Variants in SPATS2 observed in about 807,000 individuals in gnomAD.
SPATS2 encodes the protein spermatogenesis associated serine rich 2.
Under a neutral mutation model 63.7 loss-of-function variants are expected in SPATS2, and 38 were observed. The observed-to-expected ratio is 0.60, with a 90% confidence interval of 0.46 to 0.78. The LOEUF is 0.78. Among genes scored for constraint, SPATS2 ranks in the 30% least tolerant of loss-of-function variants. The pLI is 0.00. For missense variants in SPATS2, 588 were observed against 666.2 expected (o/e 0.88, Z 1.29); for synonymous variants, 207 against 232.9 (o/e 0.89, Z 1.01).
In SPATS2 at chr12:49,478,252, T is replaced by C. The variant is rs972182448; in HGVS notation, c.26-6338T>C. Among the ~76,000 whole-genome samples, 3 of 152,342 alleles carry C rather than the reference T, an allele frequency of 2.0e-5. No individual in the cohort carries two copies. The East Asian group carries it at 5.8e-4, about 29-fold the overall frequency. On this transcript the variant is annotated intron_variant, in intron 3 of 13. Transcript: ENST00000552918. ...TCTTGGCCTCCCAAAGTGCTGGGAT[T>C]ACAGGTGTGAGCCACTGCAGCCAGC...
chr12:49,397,799 C>T lies in SPATS2; in HGVS notation c.-244+26509C>T, dbSNP rs943283398. On this transcript the variant is annotated intron_variant, in intron 2 of 13. Transcript: ENST00000552918. ...GAGCTATGATGGTGTCATTGCATTC[C>T]AGCCTGGGTGACAGAGTGAGACTCT... Among the ~76,000 whole-genome samples, 23 of 145,250 alleles carry T rather than the reference C, an allele frequency of 1.6e-4. 1 individual carries two copies. The highest frequency in any genetic ancestry group is 9.2e-4 in the Admixed American group (13 of 14,130).
In SPATS2 at chr12:49,526,562, T is replaced by C; in HGVS notation, c.*307T>C. ...GTTGATCCCTCCACTGTCCAGGCTG[T>C]CTCAGGAGGAGGTGAATCAGAGCTA... is the stretch of plus-strand genomic sequence containing the variant. On this transcript the variant is annotated 3_prime_UTR_variant, in exon 14 of 14. Transcript: ENST00000552918. 3.0e-6 allele frequency: 1 copy of C among 338,208 alleles called. No homozygotes were observed. Among genetic ancestry groups the C allele is most frequent in the South Asian group, 4.2e-5 (1 of 24,050 alleles). 21.0% of individuals were successfully genotyped at this position (338,208 alleles called of 1,614,324 possible).
intron 2 of SPATS2, among the ~76,000 whole-genome samples, chr12:49,448,764 G>A (rs188343575): frequency 2.1e-4 from 31 of 150,264 alleles, no homozygotes; most frequent in African/African-American, 6.4e-4. Flanking sequence ...AATGTTTAGC[G>A]ATTTCCCATA....
chr12:49,401,089 C>T (rs1480066548), intron 2 of SPATS2, among the ~76,000 whole-genome samples: 2 of 152,014 alleles, frequency 1.3e-5, no homozygotes, highest in East Asian at 1.9e-4. Flanking sequence ...GTTGCCCAGG[C>T]TGGTCTCAAC....
rs576336366 is a variant in SPATS2 at position 49,410,354 on chromosome 12, G to A, written c.-244+39064G>A. Among the ~76,000 whole-genome samples the A allele has an allele frequency of 1.5e-3, 231 of 152,226 alleles. 1 individual carries two copies. In the Middle Eastern group the frequency reaches 0.017, roughly 11 times the overall value. ...GCCTCCCAAAGCACTGGTATTACAG[G>A]TGTGAGCCACCGTGCCCAGCCTGTT... On this transcript the variant is annotated intron_variant, in intron 2 of 13. Transcript: ENST00000552918.
chr12:49,471,961 C>A (rs1260804559), intron 3 of SPATS2, among the ~76,000 whole-genome samples: 10 of 151,950 alleles, frequency 6.6e-5, no homozygotes, highest in Admixed American at 6.6e-4. Context: ...CACAGTGAGA[C>A]CCTGTCTCTA....
At position 49,436,359 on chromosome 12, in the gene SPATS2, C is replaced by T. The variant is rs376018779; in HGVS notation, c.-243-24411C>T. 1.2e-4 allele frequency among the ~76,000 whole-genome samples: 17 copies of T among 145,690 alleles called. No individual in the cohort carries two copies. In the East Asian group the frequency reaches 2.7e-3, roughly 23 times the overall value. ...CAGTAGGGGCGGCCGGGCAGAGGCG[C>T]CCCTCATCTCCCGGATGGGGCAGCT... On this transcript the variant is annotated intron_variant, in intron 2 of 13. Coordinates refer to ENST00000552918, the MANE Select transcript of SPATS2 (RefSeq NM_023071.4).
At chr12:49,455,614 T>C (rs1222984755) in intron 2 of SPATS2, among the ~76,000 whole-genome samples, 1 of 152,130 alleles carries the variant, frequency 6.6e-6, no homozygotes, top group East Asian at 1.9e-4. Context: ...GATCTTACTC[T>C]GTTGCCAGGT....
chr12:49,376,194 C>G (rs1944098735), intron 2 of SPATS2, among the ~76,000 whole-genome samples: 1 of 149,454 alleles, frequency 6.7e-6, no homozygotes, highest in Non-Finnish European at 1.5e-5. Flanking sequence ...CTCCGCCTCC[C>G]AGGTTCAAGT....
At chr12:49,509,521 C>T (rs1006547747) in intron 9 of SPATS2, among the ~76,000 whole-genome samples, 4 of 152,022 alleles carry the variant, frequency 2.6e-5, no homozygotes, top group Non-Finnish European at 4.4e-5. Flanking sequence ...CCTCCGGCCT[C>T]GGCCTCCCAG....
At chr12:49,430,528 T>C (rs1945167713) in intron 2 of SPATS2, among the ~76,000 whole-genome samples, 1 of 152,112 alleles carries the variant, frequency 6.6e-6, no homozygotes, top group African/African-American at 2.4e-5. Flanking sequence ...ATGTTTTTAT[T>C]TGCAACCTCT....
intron 10 of SPATS2, among the ~76,000 whole-genome samples, chr12:49,517,726 G>A (rs1235273532): frequency 6.6e-6 from 1 of 152,120 alleles, no homozygotes; most frequent in Non-Finnish European, 1.5e-5. Flanking sequence ...CCCTTAAAAC[G>A]CTTTCCTGTA....
intron 10 of SPATS2, among the ~76,000 whole-genome samples, chr12:49,517,321 C>CCATG (rs1323470821): frequency 2.6e-5 from 4 of 152,132 alleles, no homozygotes; most frequent in Non-Finnish European, 5.9e-5. Flanking sequence ...TCTAGGCAGC[C>CCATG]CATGTGTGCA....
chr12:49,481,969 T>C (rs1946214234), intron 3 of SPATS2, among the ~76,000 whole-genome samples: 1 of 152,202 alleles, frequency 6.6e-6, no homozygotes, highest in South Asian at 2.1e-4. Flanking sequence ...TTAAGCTTTC[T>C]TTTCATGAAA....
chr12:49,471,976 A>T (rs1490405628), intron 3 of SPATS2, among the ~76,000 whole-genome samples: 2 of 151,954 alleles, frequency 1.3e-5, no homozygotes, highest in Non-Finnish European at 2.9e-5. Context: ...TCTCTACAAA[A>T]AAATTTAAAA....
intron 6 of SPATS2, chr12:49,490,943 A>G: frequency 2.2e-6 from 1 of 460,444 alleles, no homozygotes; most frequent in Non-Finnish European, 3.9e-6. Context: ...GTGGTTCAAG[A>G]CTAGCCCGGC....
intron 8 of SPATS2, among the ~76,000 whole-genome samples, chr12:49,499,795 A>G (rs1946533512): frequency 6.6e-6 from 1 of 152,048 alleles, no homozygotes; most frequent in Non-Finnish European, 1.5e-5. Flanking sequence ...CCTGTTACAC[A>G]TTGTCTGAAA....
At chr12:49,428,172 G>C (rs1032830435) in intron 2 of SPATS2, among the ~76,000 whole-genome samples, 1 of 151,898 alleles carries the variant, frequency 6.6e-6, no homozygotes, top group Non-Finnish European at 1.5e-5. Context: ...GGAGAATGGC[G>C]TGAACCCAGG....
intron 3 of SPATS2, among the ~76,000 whole-genome samples, chr12:49,476,014 G>A (rs1434022004): frequency 1.3e-5 from 2 of 152,128 alleles, no homozygotes; most frequent in Non-Finnish European, 2.9e-5. Flanking sequence ...ATGGTCCCTG[G>A]CTAGGGCTCC....
Sources: gnomAD v4.1 joint callset for allele counts (sites outside exome capture counted in the v4.1 genomes callset) on GRCh38, gnomAD v4.1.1 for gene constraint, MANE v1.5 for transcripts, NCBI Gene and HGNC (gene_info 2026-07-23, HGNC 2026-07-21) for gene names.